MUC17: variants seen among roughly 807,000 people sequenced by gnomAD.
MUC17 encodes mucin-17.
MUC17 carries 190 observed loss-of-function variants against 170.3 expected under a neutral mutation model. The ratio of observed to expected loss-of-function variants is 1.12; its 90% CI spans 0.99 to 1.26. The LOEUF is 1.26. MUC17 is among the 50% of genes most tolerant of loss of function. The pLI, the probability that MUC17 is intolerant of heterozygous loss-of-function variation, is 0.00. For synonymous variants in MUC17, 2,325 were observed against 2,002.5 expected (o/e 1.16, Z -4.30); for missense variants, 6,415 against 5,530.0 (o/e 1.16, Z -5.08).
At position 101,034,877 on chromosome 7, in the gene MUC17, C is replaced by T. The variant is rs752809236; in HGVS notation, c.3461C>T (p.Pro1154Leu). ...GAAGGTACCAGCATACCAACCTCAC[C>T]TCCCAGTGAAGGAACCACTCCGTTA... is the stretch of plus-strand genomic sequence containing the variant. ...TAEGTSIPTS[P>L]PSEGTTPLAS... Residue 1154 changes from proline to leucine, a missense_variant, in exon 3 of 13, where the codon CCT (proline) becomes CTT (leucine). By Grantham distance (98) the Pro-to-Leu change is moderately conservative. Transcript: ENST00000306151. 20 of 1,613,340 alleles carry T rather than the reference C, an allele frequency of 1.2e-5. No individual in the cohort carries two copies. The highest frequency in any genetic ancestry group is 1.7e-5 in the Non-Finnish European group (20 of 1,179,912).
In MUC17 at chr7:101,038,164, C is replaced by T; in HGVS notation, c.6748C>T (p.Pro2250Ser). The change falls in exon 3 of 13, where the codon CCT becomes TCT. Residue 2250 changes from proline (P) to serine (S), a missense_variant. By Grantham distance (74) the Pro-to-Ser change is moderately conservative. Coordinates refer to ENST00000306151, the MANE Select transcript of MUC17 (RefSeq NM_001040105.2). ...AGCAACTCCTGTTGACACCAGCACA[C>T]CTGTGACCACTTCTACTGAAGCCAC... ...LSATPVDTST[P>S]VTTSTEATSS... is the part of the protein sequence containing the mutation. 1 of 1,613,900 alleles carries T rather than the reference C, an allele frequency of 6.2e-7. No individual in the cohort carries two copies. Among genetic ancestry groups the T allele is most frequent in the Non-Finnish European group, 8.5e-7 (1 of 1,179,944 alleles).
Position 101,033,259 on chromosome 7 carries a change from G to C in MUC17, c.1843G>C (p.Glu615Gln), listed in dbSNP as rs757295422. ...AGCTAGTTCATCTTCTACAACTGCT[G>C]AAGGTACCAGCATGCCAACCTCAAC... Reference protein sequence around the residue: ...SEASSSSTTAEGTSMPTSTYS... With the variant: ...SEASSSSTTAQGTSMPTSTYS... Residue 615 changes from glutamate (E) to glutamine (Q), a missense_variant, in exon 3 of 13, where the codon GAA becomes CAA. Glu to Gln is a conservative substitution (Grantham distance 29). Coordinates refer to ENST00000306151, the MANE Select transcript of MUC17 (RefSeq NM_001040105.2). 39 of 1,613,940 alleles carry C rather than the reference G, an allele frequency of 2.4e-5. No homozygotes were observed. In the Admixed American group the frequency reaches 6.3e-4, roughly 26 times the overall value.
chr7:101,021,473 C>G (rs1437022680), intron 1 of MUC17, among the ~76,000 whole-genome samples: 1 of 152,076 alleles, frequency 6.6e-6, no homozygotes, highest in African/African-American at 2.4e-5. Context: ...CAGGGGTGAG[C>G]CACCGCTCCT....
intron 2 of MUC17, 119 bp downstream of exon 2, chr7:101,031,340 T>A: frequency 6.9e-7 from 1 of 1,445,180 alleles, no homozygotes; most frequent in Non-Finnish European, 9.2e-7. Flanking sequence ...GCTTGAGATC[T>A]GGGGCCAGGA....
chr7:101,037,810 C>G lies in MUC17; in HGVS notation c.6394C>G (p.Pro2132Ala). The change falls in exon 3 of 13, where the codon CCT becomes GCT. Residue 2132 changes from proline (P) to alanine (A), a missense_variant. Physicochemically the swap from Pro to Ala is conservative, Grantham distance 27. Coordinates refer to ENST00000306151, the MANE Select transcript of MUC17 (RefSeq NM_001040105.2). ...AACAACTCCTGTTGACTCCAACAGT[C>G]CTGTGATCACTTCTACTGAAGTCAG... ...LSTTPVDSNSPVITSTEVSSS... is the reference protein window; with the variant it reads ...LSTTPVDSNSAVITSTEVSSS... 6.2e-7 allele frequency: 1 copy of G among 1,613,374 alleles called. No homozygotes were observed. Among genetic ancestry groups the G allele is most frequent in the Non-Finnish European group, 8.5e-7 (1 of 1,179,572 alleles).
At position 101,058,035 on chromosome 7, in the gene MUC17, A is replaced by C; in HGVS notation, c.13473A>C (p.Thr4491=). ...IRIQRPQVMT[T]SF ...TTCAGAGGCCTCAGGTAATGACGACATCATTTTAAGGCATGGAGCTGAGAA... is the reference window on the plus strand; with the variant it reads ...TTCAGAGGCCTCAGGTAATGACGACCTCATTTTAAGGCATGGAGCTGAGAA... Residue 4491 remains threonine, a synonymous_variant, in exon 13 of 13, where the codon ACA becomes ACC. Coordinates refer to ENST00000306151, the MANE Select transcript of MUC17 (RefSeq NM_001040105.2). 1 of 1,613,998 alleles carries C rather than the reference A, an allele frequency of 6.2e-7. No homozygotes were observed. The highest frequency in any genetic ancestry group is 1.6e-4 in the Middle Eastern group (1 of 6,062).
At chr7:101,049,255 AC>A in intron 5 of MUC17, 68 bp from the exon 6 acceptor site, 1 of 1,605,560 alleles carries the variant, frequency 6.2e-7, no homozygotes, top group Non-Finnish European at 8.5e-7. Context: ...TGGTCCTGTG[AC>A]CTCCTGATGT....
Position 101,033,904 on chromosome 7 carries a change from C to G in MUC17, c.2488C>G (p.Pro830Ala), listed in dbSNP as rs1324982182. ...TGAGGCTAGCACCCTTTCAACAACT[C>G]CTGTTGACTCCAACAGTCCTGTGAC... is the stretch of plus-strand genomic sequence containing the variant. Reference protein sequence around the residue: ...SPEASTLSTTPVDSNSPVTTS... With the variant: ...SPEASTLSTTAVDSNSPVTTS... The change falls in exon 3 of 13, where the codon CCT becomes GCT. Residue 830 changes from proline (P) to alanine (A), a missense_variant. Physicochemically the swap from Pro to Ala is conservative, Grantham distance 27. Transcript: ENST00000306151. 3 of 1,613,648 alleles carry G rather than the reference C, an allele frequency of 1.9e-6. No individual in the cohort carries two copies. The highest frequency in any genetic ancestry group is 2.2e-5 in the South Asian group (2 of 91,052).
At position 101,037,602 on chromosome 7, in the gene MUC17, C is replaced by T; in HGVS notation, c.6186C>T (p.Asn2062=). The T allele has an allele frequency of 6.2e-7, 1 of 1,613,918 alleles. No homozygotes were observed. Among genetic ancestry groups the T allele is most frequent in the East Asian group, 2.2e-5 (1 of 44,864 alleles). ...CGCTTGTGGTCAGTTCTGAGGGTAA[C>T]ACCCTTTCAACAACTCCTGTTGACT... ...STTLVVSSEG[N]TLSTTPVDSK... The change falls in exon 3 of 13, where the codon AAC becomes AAT. Residue 2062 remains asparagine (N), a synonymous_variant. Coordinates refer to ENST00000306151, the MANE Select transcript of MUC17 (RefSeq NM_001040105.2).
Position 101,022,276 on chromosome 7 carries a change from C to G in MUC17, c.82+2059C>G, listed in dbSNP as rs1367488563. On this transcript the variant is annotated intron_variant, in intron 1 of 12. Coordinates refer to ENST00000306151, the MANE Select transcript of MUC17 (RefSeq NM_001040105.2). ...CCACCTCCCAGGTTCAAGCAATTCT[C>G]CTGCCTCAGCCTCCCGAGTAGCTGG... 3.3e-5 allele frequency among the ~76,000 whole-genome samples: 5 copies of G among 151,840 alleles called. No individual in the cohort carries two copies. The East Asian group carries it at 9.7e-4, about 29-fold the overall frequency.
chr7:101,020,797 C>T (rs1253564391), intron 1 of MUC17, among the ~76,000 whole-genome samples: 1 of 152,154 alleles, frequency 6.6e-6, no homozygotes, highest in African/African-American at 2.4e-5. Flanking sequence ...CCCCAAAAGA[C>T]AAGGCATTAG....
Position 101,042,095 on chromosome 7 carries a change from C to T in MUC17, c.10679C>T (p.Thr3560Ile), listed in dbSNP as rs1161712383. ...AGTCAAGCCAGTTCATCTCCAGCAA[C>T]TCTTCAGGTCACCACTATGCGTATG... ...SSSQASSSPATLQVTTMRMST... is the reference protein window; with the variant it reads ...SSSQASSSPAILQVTTMRMST... Residue 3560 changes from threonine to isoleucine, a missense_variant, in exon 3 of 13, where the codon ACT (threonine) becomes ATT (isoleucine). Transcript: ENST00000306151. The T allele has an allele frequency of 6.2e-7, 1 of 1,614,172 alleles. No individual in the cohort carries two copies. Among genetic ancestry groups the T allele is most frequent in the Non-Finnish European group, 8.5e-7 (1 of 1,180,022 alleles).
intron 1 of MUC17, among the ~76,000 whole-genome samples, chr7:101,029,195 GA>G (rs35238191): frequency 0.26 from 34,324 of 133,576 alleles, 4,061 homozygotes; most frequent in South Asian, 0.38. Flanking sequence ...TCTCAAAAAA[GA>G]AAAAAAAAAA....
chr7:101,054,990 C>T (rs946536705), intron 11 of MUC17, among the ~76,000 whole-genome samples: 2 of 152,022 alleles, frequency 1.3e-5, no homozygotes, highest in Non-Finnish European at 2.9e-5. Flanking sequence ...TGCCTGTAAT[C>T]CCAACCACCT....
rs757532865 is a variant in MUC17 at position 101,042,997 on chromosome 7, G to C, written c.11581G>C (p.Val3861Leu). 3.1e-6 allele frequency: 5 copies of C among 1,613,982 alleles called. No individual in the cohort carries two copies. In the Admixed American group the frequency reaches 6.7e-5, roughly 22 times the overall value. ...KAGSFSIPAE[V>L]TTIRISITSE... is the part of the protein sequence containing the mutation. ...CGGTTCATTCTCCATACCTGCTGAA[G>C]TCACTACCATACGTATTTCAATTAC... is the stretch of plus-strand genomic sequence containing the variant. The change falls in exon 3 of 13, where the codon GTC becomes CTC. Residue 3861 changes from valine to leucine, a missense_variant. Coordinates refer to ENST00000306151, the MANE Select transcript of MUC17 (RefSeq NM_001040105.2).
At chr7:101,044,456 C>T (rs1178025196) in intron 3 of MUC17, among the ~76,000 whole-genome samples, 1 of 152,230 alleles carries the variant, frequency 6.6e-6, no homozygotes, top group Non-Finnish European at 1.5e-5. Context: ...CTCCTAAACT[C>T]CTTTTGCTCT....
intron 9 of MUC17, among the ~76,000 whole-genome samples, chr7:101,052,574 C>A (rs972881074): frequency 6.6e-6 from 1 of 152,164 alleles, no homozygotes; most frequent in African/African-American, 2.4e-5. Context: ...GGAAGAAGAG[C>A]TTCAGGGGTG....
At chr7:101,031,411 A>G (rs1232437577) in intron 2 of MUC17, among the ~76,000 whole-genome samples, 190 bp downstream of exon 2, 4 of 152,218 alleles carry the variant, frequency 2.6e-5, no homozygotes, top group Non-Finnish European at 5.9e-5. Flanking sequence ...GTCGAGTTCA[A>G]TTCCTAACTG....
Position 101,037,268 on chromosome 7 carries a change from C to A in MUC17, c.5852C>A (p.Ala1951Asp), listed in dbSNP as rs188270675. ...ATCAACACCCTTTCAACAACTCTTG[C>A]TGACACCAGGACACCTGTGACCACT... ...SEINTLSTTLADTRTPVTTYS... is the reference protein window; with the variant it reads ...SEINTLSTTLDDTRTPVTTYS... Residue 1951 changes from alanine to aspartate, a missense_variant, in exon 3 of 13, where the codon GCT (alanine) becomes GAT (aspartate). Coordinates refer to ENST00000306151, the MANE Select transcript of MUC17 (RefSeq NM_001040105.2). 8.7e-5 allele frequency: 140 copies of A among 1,610,982 alleles called. 1 individual carries two copies. The African/African-American group carries it at 1.5e-3, about 17-fold the overall frequency.
Sources: allele counts gnomAD v4.1 joint callset (sites outside exome capture counted in the v4.1 genomes callset), GRCh38; gene constraint gnomAD v4.1.1; transcripts MANE v1.5; gene names NCBI Gene and HGNC (gene_info 2026-07-23, HGNC 2026-07-21).